EIF3A: variants seen among roughly 807,000 people sequenced by gnomAD.
EIF3A encodes the protein EIF3, p180 subunit.
A neutral mutation model predicts 186.6 loss-of-function variants in EIF3A; 21 were observed. The ratio of observed to expected loss-of-function variants is 0.11; its 90% confidence interval spans 0.08 to 0.16. EIF3A has a LOEUF of 0.16. Ranked by LOEUF, EIF3A falls within the 10% of genes least tolerant of loss-of-function variation. The probability of loss-of-function intolerance (pLI) is 1.00; values close to 1 mark genes in which losing one functional copy is unlikely to be tolerated. For synonymous variants in EIF3A, 563 were observed against 584.3 expected, an observed-to-expected ratio of 0.96 and a Z score of 0.52; for missense variants, 1,306 against 1,796.3, an observed-to-expected ratio of 0.73 and a Z score of 4.93.
At chr10:119,065,237 G>A (rs1020138889) in intron 7 of EIF3A, among the ~76,000 whole-genome samples, 162 bp downstream of exon 7, 5 of 152,080 alleles carry the variant, frequency 3.3e-5, no homozygotes, top group South Asian at 2.1e-4. Flanking sequence ...CCACTGGCGC[G>A]GAACTGCCTC....
chr10:119,048,334 G>T (rs1459600715), intron 17 of EIF3A, among the ~76,000 whole-genome samples: 1 of 152,108 alleles, frequency 6.6e-6, no homozygotes, highest in Non-Finnish European at 1.5e-5. Context: ...AATTAAGGCA[G>T]TAATGTAGGA....
chr10:119,062,589 C>G (rs992264419), intron 7 of EIF3A, among the ~76,000 whole-genome samples: 1 of 152,046 alleles, frequency 6.6e-6, no homozygotes, highest in Admixed American at 6.6e-5. Context: ...ATCTAGATGC[C>G]CTAGTTGTTG....
chr10:119,075,711 CTTTTTTT>C (rs58392465), intron 1 of EIF3A, among the ~76,000 whole-genome samples: 7 of 65,274 alleles, frequency 1.1e-4, no homozygotes, highest in East Asian at 4.9e-4. Flanking sequence ...TGGAAAAAGA[CTTTTTTT>C]TTTTTTTTTT....
chr10:119,069,394 T>TA (rs1438102162), intron 6 of EIF3A, 52 bp downstream of exon 6: 1 of 906,176 alleles, frequency 1.1e-6, no homozygotes. Flanking sequence ...TGTCATATAA[T>TA]AGACGATATT....
intron 21 of EIF3A, among the ~76,000 whole-genome samples, chr10:119,036,839 G>A (rs1848135539): frequency 6.6e-6 from 1 of 152,136 alleles, no homozygotes; most frequent in South Asian, 2.1e-4. Context: ...CTGCCAGGAA[G>A]CTGCTTTTAA....
Position 119,065,537 on chromosome 10 carries a change from G to A in EIF3A, c.984C>T (p.Ser328=). 6.2e-7 allele frequency: 1 copy of A among 1,612,706 alleles called. No individual in the cohort carries two copies. Among genetic ancestry groups the A allele is most frequent in the Non-Finnish European group, 8.5e-7 (1 of 1,178,880 alleles). ...MSTRVLLATL[S]IPITPERTDI... ...CCGTACGCTCAGGAGTAATAGGGAT[G>A]GAAAGAGTGGCTAAAAGGACTCTAG... is the stretch of plus-strand genomic sequence containing the variant. The change falls in exon 7 of 22, where the codon TCC becomes TCT. Residue 328 remains serine (S), a synonymous_variant. Transcript: ENST00000369144.
intron 1 of EIF3A, 151 bp from the exon 2 acceptor site, chr10:119,074,088 AT>A (rs1844118819): frequency 1.6e-6 from 1 of 636,594 alleles, no homozygotes; most frequent in East Asian, 2.9e-5. Context: ...TGCCATAATT[AT>A]CAAAAGTAAA....
Position 119,037,907 on chromosome 10 carries a change from ATTT to A in EIF3A, c.3728+328_3728+330del, listed in dbSNP as rs575308953. The stretch of plus-strand genomic sequence containing the variant: ...CTCCATTTTCTTACTTTAAGAGGGA[ATTT>A]TTTTTTTTTTTTTTTTTTTTTTTGA... On this transcript the variant is annotated intron_variant, in intron 20 of 21. Transcript: ENST00000369144. 2.5e-3 allele frequency among the ~76,000 whole-genome samples: 231 copies of A among 93,130 alleles called. 2 individuals are homozygous for A. Among genetic ancestry groups the A allele is most frequent in the African/African-American group, 9.5e-3 (219 of 23,016 alleles). The allele number at this position is 93,130 out of a possible 152,430, so 61.1% of individuals were successfully genotyped here.
At chr10:119,069,295 A>G in intron 6 of EIF3A, 151 bp downstream of exon 6, 1 of 598,602 alleles carries the variant, frequency 1.7e-6, no homozygotes. Context: ...AACCACCTGC[A>G]GTACACAAGA....
intron 19 of EIF3A, among the ~76,000 whole-genome samples, chr10:119,039,485 A>G (rs1470977732): frequency 1.3e-5 from 2 of 152,146 alleles, no homozygotes; most frequent in Admixed American, 1.3e-4. Context: ...AGCCTGGGCA[A>G]CATGGCAAAA....
chr10:119,065,898 C>A (rs1004334855), intron 6 of EIF3A, among the ~76,000 whole-genome samples: 1 of 151,708 alleles, frequency 6.6e-6, no homozygotes, highest in Non-Finnish European at 1.5e-5. Context: ...GGGCACATCA[C>A]GACGTCAAGA....
chr10:119,043,625 AAAC>A (rs1373326523), intron 18 of EIF3A, among the ~76,000 whole-genome samples: 2 of 150,216 alleles, frequency 1.3e-5, no homozygotes, highest in African/African-American at 4.9e-5. Flanking sequence ...ACAACAACAA[AAAC>A]AACAACACAG....
intron 1 of EIF3A, among the ~76,000 whole-genome samples, chr10:119,075,127 A>C (rs373227269): frequency 7.9e-5 from 12 of 151,580 alleles, no homozygotes; most frequent in African/African-American, 2.9e-4. Flanking sequence ...GGGCCCGGCT[A>C]ATTTTTGTAT....
At chr10:119,056,613 A>T in intron 14 of EIF3A, 127 bp downstream of exon 14, 1 of 652,184 alleles carries the variant, frequency 1.5e-6, no homozygotes, top group African/African-American at 1.8e-5. Context: ...ATCTGTTCAT[A>T]GGCAGCCATT....
intron 14 of EIF3A, among the ~76,000 whole-genome samples, chr10:119,052,400 T>TGTG (rs1564752662): frequency 1.5e-4 from 3 of 19,886 alleles, no homozygotes; most frequent in Admixed American, 5.4e-4. Flanking sequence ...GTGTGTGTGT[T>TGTG]TTAAGACAGG....
intron 1 of EIF3A, chr10:119,080,417 A>G: frequency 1.0e-6 from 1 of 985,412 alleles, no homozygotes; most frequent in Non-Finnish European, 1.2e-6. Context: ...CCCTGGGGCG[A>G]CGGTTCCGGG....
At position 119,060,722 on chromosome 10, in the gene EIF3A, CTTTT is replaced by C. The variant is rs772597614; in HGVS notation, c.1326+20_1326+23del. Reference sequence around the variant, plus strand: ...ATGATGAGCACATAACATCACAAAACTTTTTTTATTTTTTTATTTTTACCTGCTG... The same window carrying C: ...ATGATGAGCACATAACATCACAAAACTTTATTTTTTTATTTTTACCTGCTG... On this transcript the variant is annotated intron_variant, in intron 9 of 21. Transcript: ENST00000369144. 1.2e-5 allele frequency: 19 copies of C among 1,568,426 alleles called. No individual in the cohort carries two copies. The highest frequency in any genetic ancestry group is 1.6e-5 in the Non-Finnish European group (18 of 1,157,300).
rs775789500 is a variant in EIF3A at position 119,042,103 on chromosome 10, A to C, written c.3417T>G (p.Pro1139=). 5 of 1,614,040 alleles carry C rather than the reference A, an allele frequency of 3.1e-6. No homozygotes were observed. The Admixed American group carries it at 6.7e-5, about 22-fold the overall frequency. Residue 1139 remains proline, a synonymous_variant, in exon 19 of 22, where the codon CCT becomes CCG. Coordinates refer to ENST00000369144, the MANE Select transcript of EIF3A (RefSeq NM_003750.4). This position sits in a 1 kb window ranked among gnomAD's most constrained non-coding sequence, Gnocchi z 7.8. ...GGCGATCATCATCCATGTTTCTCCA[A>C]GGGCCCCTGTCATCCTCTGCACCAC... ...PRRGAEDDRG[P]WRNMDDDRLS... is the part of the protein sequence containing the mutation.
intron 2 of EIF3A, 36 bp from the exon 3 acceptor site, chr10:119,073,613 T>C (rs1199644909): frequency 6.3e-7 from 1 of 1,593,590 alleles, no homozygotes; most frequent in South Asian, 1.1e-5. Flanking sequence ...CAGAACTTAT[T>C]TTTCCATTGA....
Sources: gnomAD v4.1 joint callset for allele counts (sites outside exome capture counted in the v4.1 genomes callset) on GRCh38, gnomAD v4.1.1 for gene constraint, Gnocchi (gnomAD v3.1) non-coding constraint, MANE v1.5 for transcripts, NCBI Gene and HGNC (gene_info 2026-07-23, HGNC 2026-07-21) for gene names.